The following SLC8A2 variants were observed in gnomAD, a reference collection of about 807,000 sequenced individuals.
SLC8A2 encodes the protein solute carrier family 8 member A2, also known as sodium/calcium exchanger 2.
Under a neutral mutation model 70.2 loss-of-function variants are expected in SLC8A2, and 14 were observed. The ratio of observed to expected loss-of-function variants is 0.20; its 90% CI spans 0.13 to 0.31. SLC8A2 has a LOEUF of 0.31. Ranked by LOEUF, SLC8A2 falls within the 10% of genes least tolerant of loss-of-function variation. The probability of loss-of-function intolerance (pLI) is 1.00; values close to 1 mark genes in which losing one functional copy is unlikely to be tolerated. For missense variants in SLC8A2, 779 were observed against 1,320.1 expected, an observed-to-expected ratio of 0.59 and a Z score of 6.35; for synonymous variants, 575 against 594.3, an observed-to-expected ratio of 0.97 and a Z score of 0.47.
Position 47,466,628 on chromosome 19 carries a change from C to T in SLC8A2, c.-16-209G>A, listed in dbSNP as rs998561074. 3.9e-5 allele frequency among the ~76,000 whole-genome samples: 6 copies of T among 151,900 alleles called. No individual in the cohort carries two copies. The highest frequency in any genetic ancestry group is 1.5e-4 in the African/African-American group (6 of 41,356). ...CTGAAAGATAAGGACAGAGGAACCC[C>T]CATGCACTGCTGGTGGGAATGCAAA... is the stretch of plus-strand genomic sequence containing the variant. On this transcript the variant is annotated intron_variant, in intron 1 of 9. Transcript: ENST00000236877. This position sits in a 1 kb window ranked among gnomAD's most constrained non-coding sequence, Gnocchi z 6.9.
At position 47,447,489 on chromosome 19, in the gene SLC8A2, A is replaced by G; in HGVS notation, c.1763+320T>C. ...TTCATTTCACAGTCACAACCCCACC[A>G]GGCCCCGCCCACGTGGTAGACACAG... On this transcript the variant is annotated intron_variant, in intron 4 of 9. Coordinates refer to ENST00000236877, the MANE Select transcript of SLC8A2 (RefSeq NM_015063.3). This position sits in a 1 kb window ranked among gnomAD's most constrained non-coding sequence, Gnocchi z 5.1. 2.5e-6 allele frequency: 1 copy of G among 401,224 alleles called. No homozygotes were observed. Among genetic ancestry groups the G allele is most frequent in the Non-Finnish European group, 4.5e-6 (1 of 222,450 alleles). The allele number at this position is 401,224 out of a possible 1,614,324, so 24.9% of individuals were successfully genotyped here. A position where few individuals can be genotyped will look rare whatever the true frequency, so the allele number is the denominator to read the frequency against.
intron 3 of SLC8A2, among the ~76,000 whole-genome samples, 165 bp downstream of exon 3, chr19:47,456,765 A>G (rs1967307926): frequency 1.3e-5 from 2 of 152,182 alleles, no homozygotes; most frequent in Admixed American, 6.5e-5. Context: ...CCACGTCTAG[A>G]GCAGCGCCTG....
chr19:47,438,260 A>C (rs907441524), intron 6 of SLC8A2, among the ~76,000 whole-genome samples: 1 of 152,116 alleles, frequency 6.6e-6, no homozygotes, highest in Non-Finnish European at 1.5e-5. Flanking sequence ...AGTTTTCATA[A>C]CTGTTAAACG....
intron 6 of SLC8A2, among the ~76,000 whole-genome samples, chr19:47,440,529 C>T (rs761380780): frequency 1.3e-5 from 2 of 152,104 alleles, no homozygotes; most frequent in Non-Finnish European, 2.9e-5. Flanking sequence ...CGGGTTCAAG[C>T]GATTCTCCTG....
At position 47,466,282 on chromosome 19, in the gene SLC8A2, C is replaced by G; in HGVS notation, c.122G>C (p.Gly41Ala). The G allele has an allele frequency of 6.4e-7, 1 of 1,551,066 alleles. No homozygotes were observed. Among genetic ancestry groups the G allele is most frequent in the Non-Finnish European group, 8.7e-7 (1 of 1,146,196 alleles). The change falls in exon 2 of 10, where the codon GGG becomes GCG. Residue 41 changes from glycine (G) to alanine (A), a missense_variant. This residue lies in a region of SLC8A2 where 65 missense variants were observed against 61.3 expected (regional missense o/e 1.06). Transcript: ENST00000236877. The surrounding 1 kb of genome is among the most constrained non-coding windows in gnomAD (Gnocchi z 6.9). ...GCAGCGGTAGGACCCCTGGCAGCCC[C>G]CTGTGCTGGTGTCGCTGTCATTGGC... ...PPANDSDTST[G>A]GCQGSYRCQP... is the part of the protein sequence containing the mutation.
chr19:47,450,873 C>A lies in SLC8A2; in HGVS notation c.1341-2642G>T, dbSNP rs186111553. Among the ~76,000 whole-genome samples, 4 of 152,170 alleles carry A rather than the reference C, an allele frequency of 2.6e-5. No homozygotes were observed. The East Asian group carries it at 7.7e-4, about 29-fold the overall frequency. ...GGACTGAATTGATACAGGGGAAGCA[C>A]CCAGAGGCACAGTTAGCTAGTGATA... On this transcript the variant is annotated intron_variant, in intron 3 of 9. Coordinates refer to ENST00000236877, the MANE Select transcript of SLC8A2 (RefSeq NM_015063.3).
intron 8 of SLC8A2, among the ~76,000 whole-genome samples, chr19:47,435,555 T>TTA (rs1026577464): frequency 6.6e-6 from 1 of 151,236 alleles, no homozygotes; most frequent in African/African-American, 2.4e-5. Context: ...TCTTCGTTTT[T>TTA]TTTTTTTTTT....
intron 1 of SLC8A2, among the ~76,000 whole-genome samples, chr19:47,469,382 A>C (rs550740972): frequency 6.6e-6 from 1 of 152,158 alleles, no homozygotes; most frequent in African/African-American, 2.4e-5. Context: ...AATTCTTCTA[A>C]AGCATCAAAC....
chr19:47,451,308 C>CT (rs1555749092), intron 3 of SLC8A2, among the ~76,000 whole-genome samples: 2 of 150,362 alleles, frequency 1.3e-5, no homozygotes, highest in Admixed American at 6.6e-5. Context: ...GCGCCCAGAC[C>CT]TTTTTTTTGT....
intron 2 of SLC8A2, among the ~76,000 whole-genome samples, chr19:47,459,659 TTC>T (rs1455866582): frequency 2.0e-5 from 3 of 150,292 alleles, no homozygotes. Flanking sequence ...GTGTGTGTCC[TTC>T]TGTGTGTGTG....
intron 6 of SLC8A2, among the ~76,000 whole-genome samples, chr19:47,439,325 C>A (rs969190011): frequency 6.6e-6 from 1 of 152,048 alleles, no homozygotes; most frequent in African/African-American, 2.4e-5. Flanking sequence ...GTCAGGAGTT[C>A]GAGACCAGCC....
At chr19:47,450,509 C>A (rs1480342980) in intron 3 of SLC8A2, among the ~76,000 whole-genome samples, 2 of 151,524 alleles carry the variant, frequency 1.3e-5, no homozygotes, top group Non-Finnish European at 2.9e-5. Context: ...GGTGACAGAG[C>A]AAGACTCCGT....
rs757200487 is a variant in SLC8A2, at chr19:47,436,664, C to T, written c.2110+798G>A. ...AGATTGAAGCCCTGAGCTCCGACCT[C>T]GGGCCTTTTCTGGACTCCCTGTGGG... On this transcript the variant is annotated intron_variant, in intron 8 of 9. Transcript: ENST00000236877. 1.3e-3 allele frequency among the ~76,000 whole-genome samples: 202 copies of T among 152,278 alleles called. 3 individuals carry two copies. Among genetic ancestry groups the T allele is most frequent in the Non-Finnish European group, 6.9e-4 (47 of 68,026 alleles).
intron 8 of SLC8A2, among the ~76,000 whole-genome samples, chr19:47,435,270 GTTATTA>G (rs146210032): frequency 6.6e-6 from 1 of 151,982 alleles, no homozygotes. Flanking sequence ...TATTATTACA[GTTATTA>G]TTATTGTTAT....
chr19:47,462,564 T>G (rs1967408645), intron 2 of SLC8A2, among the ~76,000 whole-genome samples: 1 of 150,150 alleles, frequency 6.7e-6, no homozygotes, highest in African/African-American at 2.5e-5. Flanking sequence ...GCGCCCGGCC[T>G]ATGTATATCT....
chr19:47,447,984 G>A lies in SLC8A2; in HGVS notation c.1588C>T (p.Arg530Cys), dbSNP rs1167009284. ...DHAGIFSFQD[R>C]LLHVSECMGT... ...ATGCACTCGCTCACGTGCAGCAGGC[G>A]GTCCTGGAAGGAGAAGATGCCTGCG... The change falls in exon 4 of 10, where the codon CGC (arginine) becomes TGC (cysteine). Residue 530 changes from arginine (R) to cysteine (C), a missense_variant. Arg to Cys is a radical substitution (Grantham distance 180, BLOSUM62 -3). Coordinates refer to ENST00000236877, the MANE Select transcript of SLC8A2 (RefSeq NM_015063.3). The surrounding 1 kb of genome is among the most constrained non-coding windows in gnomAD (Gnocchi z 5.1). The A allele has an allele frequency of 1.9e-6, 3 of 1,560,886 alleles. No homozygotes were observed. The highest frequency in any genetic ancestry group is 2.6e-6 in the Non-Finnish European group (3 of 1,152,388).
Position 47,470,067 on chromosome 19 carries a change from G to A in SLC8A2, c.-17+1722C>T, listed in dbSNP as rs887934524. Reference sequence around the variant, plus strand: ...TTTCTGACTGTGCCTGTGTTGGGGGGCTGGCCCTTGCAGGACCGAGCTGGG... The same window carrying A: ...TTTCTGACTGTGCCTGTGTTGGGGGACTGGCCCTTGCAGGACCGAGCTGGG... On this transcript the variant is annotated intron_variant, in intron 1 of 9. Transcript: ENST00000236877. 7.2e-5 allele frequency among the ~76,000 whole-genome samples: 11 copies of A among 152,298 alleles called. 1 individual carries two copies. The highest frequency in any genetic ancestry group is 3.4e-3 in the Middle Eastern group (1 of 294).
rs1967195693 is a variant in SLC8A2, at chr19:47,448,321, G to T, written c.1341-90C>A. On this transcript the variant is annotated intron_variant, in intron 3 of 9. Coordinates refer to ENST00000236877, the MANE Select transcript of SLC8A2 (RefSeq NM_015063.3). This position sits in a 1 kb window ranked among gnomAD's most constrained non-coding sequence, Gnocchi z 4.8. ...GGGGAGTCTGGACGTGCTTCCCAGA[G>T]GAGACGTAGGTGCCATAGAAGAACT... is the stretch of plus-strand genomic sequence containing the variant. The T allele has an allele frequency of 2.1e-6, 2 of 958,330 alleles. No individual in the cohort carries two copies. Among genetic ancestry groups the T allele is most frequent in the Non-Finnish European group, 1.6e-6 (1 of 643,842 alleles). The allele number at this position is 958,330 out of a possible 1,614,324, so 59.4% of individuals were successfully genotyped here.
chr19:47,440,059 C>G (rs1414434725), intron 6 of SLC8A2, among the ~76,000 whole-genome samples: 2 of 152,164 alleles, frequency 1.3e-5, no homozygotes, highest in Non-Finnish European at 2.9e-5. Context: ...AATCTTTAAT[C>G]TAACTCTAAT....
Sources: allele counts gnomAD v4.1 joint callset (sites outside exome capture counted in the v4.1 genomes callset), GRCh38; gene constraint gnomAD v4.1.1; regional missense constraint gnomAD v4.1.1; non-coding constraint Gnocchi (gnomAD v3.1); transcripts MANE v1.5; gene names NCBI Gene and HGNC (gene_info 2026-07-23, HGNC 2026-07-21).